The following COL18A1 variants were observed in gnomAD, a reference collection of about 807,000 sequenced individuals.
The protein encoded by COL18A1 is collagen alpha-1(XVIII) chain.
COL18A1 carries 133 observed loss-of-function variants against 168.0 expected under a neutral mutation model. That is an observed-to-expected ratio of 0.79 (90% confidence interval 0.69 to 0.91). The LOEUF (loss-of-function observed/expected upper bound fraction) is 0.91, where lower values mean the gene tolerates loss of function less well. Ranked by LOEUF, COL18A1 falls within the 40% of genes least tolerant of loss-of-function variation. The pLI, the probability that COL18A1 is intolerant of heterozygous loss-of-function variation, is 0.00. For missense variants in COL18A1, 2,126 were observed against 1,925.4 expected, an observed-to-expected ratio of 1.10 and a Z score of -1.95; for synonymous variants, 949 against 809.0, an observed-to-expected ratio of 1.17 and a Z score of -2.94.
At chr21:45,465,749 G>A (rs545943870) in intron 2 of COL18A1, among the ~76,000 whole-genome samples, 6 of 152,052 alleles carry the variant, frequency 3.9e-5, no homozygotes, top group Admixed American at 2.0e-4. Context: ...CCTGTGCCCC[G>A]AGGAGTCAGG....
At chr21:45,479,843 G>A in intron 9 of COL18A1, 59 bp from the exon 10 acceptor site, 1 of 1,609,170 alleles carries the variant, frequency 6.2e-7, no homozygotes, top group South Asian at 1.1e-5. Context: ...CACTGAGAGT[G>A]CTGGGTGCGG....
chr21:45,437,376 A>ACT (rs2034164075), intron 2 of COL18A1, among the ~76,000 whole-genome samples: 1 of 98,306 alleles, frequency 1.0e-5, no homozygotes, highest in Non-Finnish European at 2.0e-5. Flanking sequence ...ACACACTCAG[A>ACT]CACACAGGCA....
intron 2 of COL18A1, among the ~76,000 whole-genome samples, chr21:45,411,032 T>G (rs2033273704): frequency 6.6e-6 from 1 of 152,164 alleles, no homozygotes; most frequent in African/African-American, 2.4e-5. Flanking sequence ...GACTTTGTTT[T>G]GGGAGGAATC....
chr21:45,503,305 A>G (rs1333459140), intron 32 of COL18A1, among the ~76,000 whole-genome samples: 1 of 151,870 alleles, frequency 6.6e-6, no homozygotes. Context: ...TTTGATTTGC[A>G]TTTCTCTGAT....
chr21:45,440,734 G>A (rs1173473046), intron 2 of COL18A1, among the ~76,000 whole-genome samples: 2 of 152,210 alleles, frequency 1.3e-5, no homozygotes, highest in East Asian at 1.9e-4. Flanking sequence ...AGGGCCTGCG[G>A]GGGTTTATGT....
At chr21:45,452,977 A>G (rs911819551) in intron 2 of COL18A1, among the ~76,000 whole-genome samples, 12 of 150,230 alleles carry the variant, frequency 8.0e-5, no homozygotes, top group African/African-American at 3.0e-4. Flanking sequence ...TGTATGCATG[A>G]GTATTCACAT....
In COL18A1 at chr21:45,498,308, C is replaced by T. The variant is rs749282880; in HGVS notation, c.2683+647C>T. 2.0e-4 allele frequency: 141 copies of T among 697,890 alleles called. No individual in the cohort carries two copies. Among genetic ancestry groups the T allele is most frequent in the Non-Finnish European group, 3.2e-4 (120 of 378,896 alleles). 43.2% of individuals were successfully genotyped at this position (697,890 alleles called of 1,614,324 possible). On this transcript the variant is annotated intron_variant, in intron 32 of 41. Coordinates refer to ENST00000651438, the MANE Select transcript of COL18A1 (RefSeq NM_001379500.1). This position sits in a 1 kb window ranked among gnomAD's most constrained non-coding sequence, Gnocchi z 4.5. Reference sequence around the variant, plus strand: ...TTTCACCACCAGGGTCCCCTCTCGCCGCCACGGTCCCCTCTCGCCGCCAGG... The same window carrying T: ...TTTCACCACCAGGGTCCCCTCTCGCTGCCACGGTCCCCTCTCGCCGCCAGG...
chr21:45,468,749 T>A lies in COL18A1; in HGVS notation c.614T>A (p.Val205Glu), dbSNP rs771782721. Residue 205 changes from valine (V) to glutamate (E), a missense_variant, in exon 3 of 42, where the codon GTG (valine) becomes GAG (glutamate). Physicochemically the swap from Val to Glu is moderately radical, Grantham distance 121. Coordinates refer to ENST00000651438, the MANE Select transcript of COL18A1 (RefSeq NM_001379500.1). The stretch of plus-strand genomic sequence containing the variant: ...CTGGAGCCTGGCGCCGGGCTCTTCG[T>A]GGCTCAGGCGGGGGGAGCGGACCCT... ...LELEPGAGLF[V>E]AQAGGADPDK... is the part of the protein sequence containing the mutation. The A allele has an allele frequency of 6.3e-7, 1 of 1,593,098 alleles. No homozygotes were observed. Among genetic ancestry groups the A allele is most frequent in the Non-Finnish European group, 8.5e-7 (1 of 1,171,634 alleles).
chr21:45,481,814 C>T (rs1324422524), intron 13 of COL18A1, 149 bp from the exon 14 acceptor site: 6 of 708,910 alleles, frequency 8.5e-6, no homozygotes, highest in Admixed American at 2.0e-5. Context: ...TGGGGTCTCC[C>T]GTGAGCCCTG....
chr21:45,452,666 T>C (rs900544329), intron 2 of COL18A1, among the ~76,000 whole-genome samples: 1 of 151,090 alleles, frequency 6.6e-6, no homozygotes, highest in African/African-American at 2.5e-5. Flanking sequence ...ATGCATGTAT[T>C]CATGTGTGAC....
At position 45,505,181 on chromosome 21, in the gene COL18A1, T is replaced by A; in HGVS notation, c.2916T>A (p.Pro972=). The change falls in exon 35 of 42, where the codon CCT becomes CCA. Residue 972 remains proline (P), a synonymous_variant. Transcript: ENST00000651438. ...GGGGCCAGCCCGGCCCACCTGGACC[T>A]CAGGGACCCCCCGGCATCGGCTACG... ...SIRGQPGPPG[P]QGPPGIGYEG... 6.2e-7 allele frequency: 1 copy of A among 1,606,524 alleles called. No individual in the cohort carries two copies. Among genetic ancestry groups the A allele is most frequent in the Non-Finnish European group, 8.5e-7 (1 of 1,177,516 alleles).
intron 2 of COL18A1, chr21:45,456,209 G>A (rs770530671): frequency 7.5e-6 from 12 of 1,606,640 alleles, no homozygotes; most frequent in Non-Finnish European, 1.0e-5. Context: ...GCTGGGCGGG[G>A]CCCCTCCCTG....
intron 15 of COL18A1, among the ~76,000 whole-genome samples, chr21:45,486,447 TCTC>T (rs1383586146): frequency 1.1e-5 from 1 of 87,696 alleles, no homozygotes; most frequent in Non-Finnish European, 2.2e-5. Flanking sequence ...TCCTCTCCTC[TCTC>T]CTCTCTTTTC....
chr21:45,491,524 C>T (rs1490979889), intron 22 of COL18A1, among the ~76,000 whole-genome samples: 1 of 130,462 alleles, frequency 7.7e-6, no homozygotes, highest in Non-Finnish European at 1.7e-5. Context: ...TTGGAGACAC[C>T]GAGGAGAGGG....
chr21:45,508,691 T>C (rs979851398), intron 38 of COL18A1, among the ~76,000 whole-genome samples: 1 of 152,178 alleles, frequency 6.6e-6, no homozygotes, highest in Non-Finnish European at 1.5e-5. Flanking sequence ...CTCACAGGGT[T>C]CAGCCCAGTC....
chr21:45,456,032 C>G lies in COL18A1; in HGVS notation c.107-12210C>G, dbSNP rs201773944. 171 of 1,609,772 alleles carry G rather than the reference C, an allele frequency of 1.1e-4. 1 individual carries two copies. In the African/African-American group the frequency reaches 2.1e-3, roughly 19 times the overall value. ...CACCCCCCAGGAGAATGGGACCACT[C>G]TCTGGCCCAGCCGTGGCATTCCTAG... On this transcript the variant is annotated intron_variant, in intron 2 of 41. Transcript: ENST00000651438.
intron 2 of COL18A1, among the ~76,000 whole-genome samples, chr21:45,454,805 A>G (rs1402034458): frequency 1.3e-5 from 2 of 152,142 alleles, no homozygotes; most frequent in East Asian, 1.9e-4. Flanking sequence ...CCTTTTGTGG[A>G]CGGGGAGACT....
chr21:45,436,365 G>A (rs1323821404), intron 2 of COL18A1, among the ~76,000 whole-genome samples: 6 of 152,238 alleles, frequency 3.9e-5, no homozygotes, highest in Non-Finnish European at 8.8e-5. Context: ...AGAAGCCTGC[G>A]TGAGCTGGGC....
chr21:45,507,580 T>G lies in COL18A1; in HGVS notation c.3236T>G (p.Leu1079Arg), dbSNP rs747909852. ...TTCCAGCTGGAGGCCCGGACACCAC[T>G]CCCACGAGGGACGGTAAGGAGCCTT... ...RKVQLEARTP[L>R]PRGTDNEVAA... Residue 1079 changes from leucine to arginine, a missense_variant, in exon 38 of 42, where the codon CTC becomes CGC. Physicochemically the swap from Leu to Arg is moderately radical, Grantham distance 102. Transcript: ENST00000651438. 3.1e-6 allele frequency: 5 copies of G among 1,613,070 alleles called. No individual in the cohort carries two copies. Among genetic ancestry groups the G allele is most frequent in the Non-Finnish European group, 4.2e-6 (5 of 1,179,912 alleles).
Sources: gnomAD v4.1 joint callset for allele counts (sites outside exome capture counted in the v4.1 genomes callset) on GRCh38, gnomAD v4.1.1 for gene constraint, Gnocchi (gnomAD v3.1) non-coding constraint, MANE v1.5 for transcripts, NCBI Gene and HGNC (gene_info 2026-07-23, HGNC 2026-07-21) for gene names.